Variants in FRAS1 observed in about 807,000 individuals in gnomAD.
FRAS1 encodes the protein Fraser extracellular matrix complex subunit 1.
A neutral mutation model predicts 435.2 loss-of-function variants in FRAS1; 290 were observed. That is an observed-to-expected ratio of 0.67 (90% CI 0.61 to 0.73). FRAS1 has a LOEUF of 0.73. Among genes scored for constraint, FRAS1 ranks in the 30% least tolerant of loss-of-function variants. The pLI is 0.00. For missense variants in FRAS1, 4,860 were observed against 5,001.5 expected (o/e 0.97, Z 0.85); for synonymous variants, 1,800 against 1,851.0 (o/e 0.97, Z 0.71).
At chr4:78,102,636 T>C (rs1348439972) in intron 2 of FRAS1, among the ~76,000 whole-genome samples, 2 of 152,118 alleles carry the variant, frequency 1.3e-5, no homozygotes, top group African/African-American at 4.8e-5. Context: ...ACATGAGAAG[T>C]TGAAGAATTT....
At chr4:78,118,998 C>T (rs187400868) in intron 2 of FRAS1, among the ~76,000 whole-genome samples, 1 of 149,524 alleles carries the variant, frequency 6.7e-6, no homozygotes, top group Admixed American at 6.6e-5. Flanking sequence ...GTATGTAACT[C>T]TTTTATAGAA....
rs775932305 is a variant in FRAS1, at chr4:78,511,370, A to T, written c.9877A>T (p.Asn3293Tyr). ...CCATGTGGGGACCCCCTTAAGGAGC[A>T]ACATTGTTACCATTGGAACAGACAG... ...VGHVGTPLRS[N>Y]IVTIGTDSAI... Residue 3293 changes from asparagine to tyrosine, a missense_variant, in exon 64 of 74, where the codon AAC (asparagine) becomes TAC (tyrosine). Physicochemically the swap from Asn to Tyr is moderately radical, Grantham distance 143. Transcript: ENST00000512123. 1.2e-6 allele frequency: 2 copies of T among 1,613,962 alleles called. No homozygotes were observed. Among genetic ancestry groups the T allele is most frequent in the East Asian group, 4.5e-5 (2 of 44,878 alleles).
intron 54 of FRAS1, among the ~76,000 whole-genome samples, chr4:78,477,445 T>C (rs1459475140): frequency 6.6e-6 from 1 of 152,182 alleles, no homozygotes; most frequent in Non-Finnish European, 1.5e-5. Context: ...CAGAACTTCA[T>C]ACTCCAAGGC....
At chr4:78,161,321 T>C (rs1721127271) in intron 2 of FRAS1, among the ~76,000 whole-genome samples, 1 of 152,150 alleles carries the variant, frequency 6.6e-6, no homozygotes, top group Non-Finnish European at 1.5e-5. Context: ...TATTGTTTTG[T>C]ATGACAATAC....
At chr4:78,514,302 C>T (rs1461496814) in intron 65 of FRAS1, among the ~76,000 whole-genome samples, 4 of 152,206 alleles carry the variant, frequency 2.6e-5, no homozygotes, top group Non-Finnish European at 2.9e-5. Context: ...GCTGAGGCAG[C>T]GCATCTCTGT....
At chr4:78,458,885 T>A (rs550105287) in intron 47 of FRAS1, among the ~76,000 whole-genome samples, 60 of 152,294 alleles carry the variant, frequency 3.9e-4, no homozygotes, top group Admixed American at 1.0e-3. Flanking sequence ...AGGCAGTGTA[T>A]TACTGGCCTA....
chr4:78,186,947 G>T (rs1722297696), intron 2 of FRAS1, among the ~76,000 whole-genome samples: 1 of 152,156 alleles, frequency 6.6e-6, no homozygotes, highest in Non-Finnish European at 1.5e-5. Context: ...AAATCTTTGA[G>T]CCTAAAATCT....
intron 20 of FRAS1, among the ~76,000 whole-genome samples, chr4:78,343,735 A>G (rs1021988536): frequency 6.6e-6 from 1 of 152,130 alleles, no homozygotes; most frequent in Non-Finnish European, 1.5e-5. Context: ...ACTGAATAAC[A>G]GGGGGGAAAA....
chr4:78,068,605 C>G (rs554808495), intron 2 of FRAS1: 1 of 456,180 alleles, frequency 2.2e-6, no homozygotes, highest in South Asian at 1.5e-5. Flanking sequence ...CAACACTGGA[C>G]TTATCATCTA....
intron 9 of FRAS1, among the ~76,000 whole-genome samples, chr4:78,269,593 C>T (rs567604293): frequency 2.0e-5 from 3 of 152,288 alleles, no homozygotes; most frequent in Admixed American, 6.5e-5. Flanking sequence ...TTCTGAATAG[C>T]ATTAAAATCA....
At chr4:78,246,753 A>T (rs889071256) in intron 4 of FRAS1, among the ~76,000 whole-genome samples, 3 of 152,150 alleles carry the variant, frequency 2.0e-5, no homozygotes, top group African/African-American at 7.2e-5. Flanking sequence ...GGGGGAAAAA[A>T]AAAACCAGAC....
chr4:78,304,993 G>A (rs1049915697), intron 14 of FRAS1, among the ~76,000 whole-genome samples: 8 of 152,108 alleles, frequency 5.3e-5, no homozygotes, highest in African/African-American at 1.7e-4. Flanking sequence ...TCTCTTGTGG[G>A]CATTTAGTGC....
At position 78,466,203 on chromosome 4, in the gene FRAS1, G is replaced by C. The variant is rs1321058216; in HGVS notation, c.7030-5G>C. ...CTCCCCTCTGGTATTTTGCCTTCCG[G>C]ACAGGCCGAGTCTGTCACATTCACC... is the stretch of plus-strand genomic sequence containing the variant. On this transcript the variant is annotated splice_region_variant and splice_polypyrimidine_tract_variant and intron_variant, in intron 49 of 73. Coordinates refer to ENST00000512123, the MANE Select transcript of FRAS1 (RefSeq NM_025074.7). The C allele has an allele frequency of 7.4e-6, 12 of 1,613,012 alleles. No individual in the cohort carries two copies. The highest frequency in any genetic ancestry group is 7.6e-6 in the Non-Finnish European group (9 of 1,179,228).
chr4:78,309,562 T>G (rs894172700), intron 15 of FRAS1, among the ~76,000 whole-genome samples: 2 of 152,124 alleles, frequency 1.3e-5, no homozygotes, highest in East Asian at 1.9e-4. Flanking sequence ...AGGGGCAGAG[T>G]TGGGATTCCA....
intron 2 of FRAS1, 113 bp downstream of exon 2, chr4:78,066,129 A>G: frequency 1.3e-6 from 1 of 777,550 alleles, no homozygotes; most frequent in East Asian, 2.6e-5. Context: ...ATTTTTCTTC[A>G]ACGTTTGACA....
rs17003164 is a variant in FRAS1, at chr4:78,366,535, G to T, written c.2722+2481G>T. ...GCCATGTAGACCCAGAGCCAATGGA[G>T]TATTGAAGTAGGAGTGGATGACCAT... On this transcript the variant is annotated intron_variant, in intron 22 of 73. Transcript: ENST00000512123. Among the ~76,000 whole-genome samples the T allele has an allele frequency of 2.3e-4, 35 of 152,292 alleles. 2 individuals are homozygous for T. In the East Asian group the frequency reaches 6.4e-3, roughly 28 times the overall value.
intron 64 of FRAS1, 66 bp from the exon 65 acceptor site, chr4:78,513,326 G>C: frequency 1.3e-6 from 2 of 1,493,358 alleles, no homozygotes; most frequent in South Asian, 2.3e-5. Context: ...TGATGAGAAA[G>C]AAGTATGTCC....
chr4:78,174,134 A>G (rs1721668136), intron 2 of FRAS1, among the ~76,000 whole-genome samples: 1 of 151,946 alleles, frequency 6.6e-6, no homozygotes, highest in Non-Finnish European at 1.5e-5. Context: ...TGATGCTTTG[A>G]CTCTCTGAAT....
intron 9 of FRAS1, among the ~76,000 whole-genome samples, chr4:78,272,625 T>C (rs1486844648): frequency 2.0e-5 from 3 of 152,212 alleles, no homozygotes; most frequent in East Asian, 1.9e-4. Flanking sequence ...TGGTTGTAGA[T>C]ATGCGGCATT....
Sources: gnomAD v4.1 joint callset for allele counts (sites outside exome capture counted in the v4.1 genomes callset) on GRCh38, gnomAD v4.1.1 for gene constraint, MANE v1.5 for transcripts, NCBI Gene and HGNC (gene_info 2026-07-23, HGNC 2026-07-21) for gene names.